The following GUCY1A2 variants were observed in gnomAD, a reference collection of about 807,000 sequenced individuals.
The protein encoded by GUCY1A2 is guanylate cyclase soluble subunit alpha-2.
A neutral mutation model predicts 63.5 loss-of-function variants in GUCY1A2; 27 were observed. The observed-to-expected ratio is 0.43, with a 90% CI of 0.31 to 0.59. GUCY1A2 has a LOEUF of 0.59. Ranked by LOEUF, GUCY1A2 falls within the 20% of genes least tolerant of loss-of-function variation. GUCY1A2 has a pLI of 0.11. For synonymous variants in GUCY1A2, 364 were observed against 343.5 expected (o/e 1.06, Z -0.66); for missense variants, 768 against 913.3 (o/e 0.84, Z 2.05).
At chr11:106,847,307 CATAT>C (rs1243526632) in intron 4 of GUCY1A2, among the ~76,000 whole-genome samples, 3 of 149,464 alleles carry the variant, frequency 2.0e-5, no homozygotes, top group African/African-American at 7.3e-5. Flanking sequence ...TATATACTCA[CATAT>C]ATATTTATGA....
chr11:106,876,685 T>C (rs1859754037), intron 4 of GUCY1A2, among the ~76,000 whole-genome samples: 1 of 152,150 alleles, frequency 6.6e-6, no homozygotes, highest in Non-Finnish European at 1.5e-5. Context: ...TAAAGGGCTT[T>C]GTAACTTATA....
rs911495283 is a variant in GUCY1A2, at chr11:106,678,669, G to T, written c.*8880C>A. On this transcript the variant is annotated 3_prime_UTR_variant, in exon 8 of 8. Coordinates refer to ENST00000526355, the MANE Select transcript of GUCY1A2 (RefSeq NM_000855.3). ...TTCATATTTGTTGTTCAAATGATTT[G>T]AACATAAATTGGTTTTGACTTAGAT... 6 of 208,972 alleles carry T rather than the reference G, an allele frequency of 2.9e-5. No homozygotes were observed. Among genetic ancestry groups the T allele is most frequent in the Non-Finnish European group, 4.9e-5 (5 of 102,744 alleles). 12.9% of individuals were successfully genotyped at this position (208,972 alleles called of 1,614,324 possible). A position where few individuals can be genotyped will look rare whatever the true frequency, so the allele number is the denominator to read the frequency against.
chr11:106,676,523 CT>C lies in GUCY1A2; in HGVS notation c.*11025del. On this transcript the variant is annotated 3_prime_UTR_variant, in exon 8 of 8. Transcript: ENST00000526355. ...GAAATATGGAATACATTGTATATTG[CT>C]TTTTCAATAGAGTAGACATAAAATT... 5.4e-6 allele frequency: 1 copy of C among 186,222 alleles called. No homozygotes were observed. The highest frequency in any genetic ancestry group is 1.1e-5 in the Non-Finnish European group (1 of 88,146). 11.5% of individuals were successfully genotyped at this position (186,222 alleles called of 1,614,324 possible).
At chr11:106,793,723 C>T (rs1864703732) in intron 5 of GUCY1A2, among the ~76,000 whole-genome samples, 2 of 151,558 alleles carry the variant, frequency 1.3e-5, no homozygotes, top group South Asian at 2.1e-4. Context: ...AAGAGAATAC[C>T]TAAAAATGGC....
At chr11:106,852,964 C>T (rs1591302407) in intron 4 of GUCY1A2, among the ~76,000 whole-genome samples, 1 of 152,204 alleles carries the variant, frequency 6.6e-6, no homozygotes, top group South Asian at 2.1e-4. Flanking sequence ...TGGAATAGAT[C>T]ATTCTCTTTT....
At chr11:106,740,648 C>CTGTATGTATGTA (rs6144494) in intron 6 of GUCY1A2, among the ~76,000 whole-genome samples, 19,730 of 148,688 alleles carry the variant, frequency 0.13, 1,500 homozygotes, top group African/African-American at 0.16. Context: ...GACCATATCA[C>CTGTATGTATGTA]TGTATGTATG....
chr11:106,781,112 C>CAAAAAA (rs565279937), intron 5 of GUCY1A2, among the ~76,000 whole-genome samples: 65 of 88,860 alleles, frequency 7.3e-4, no homozygotes, highest in South Asian at 1.2e-3. Context: ...AAACAGACTA[C>CAAAAAA]AAAAAAAAAA....
At chr11:106,798,565 C>A (rs879882344) in intron 5 of GUCY1A2, among the ~76,000 whole-genome samples, 24 of 152,172 alleles carry the variant, frequency 1.6e-4, no homozygotes, top group Non-Finnish European at 2.6e-4. Context: ...GCTTATCCAC[C>A]ATGATCAAGT....
intron 4 of GUCY1A2, among the ~76,000 whole-genome samples, chr11:106,888,140 G>GT (rs965557121): frequency 3.3e-5 from 5 of 152,026 alleles, no homozygotes; most frequent in African/African-American, 1.2e-4. Flanking sequence ...GTCTAAAAAA[G>GT]TATTTTAAGG....
intron 3 of GUCY1A2, among the ~76,000 whole-genome samples, chr11:106,976,246 C>T (rs17106266): frequency 0.061 from 9,241 of 151,838 alleles, 785 homozygotes; most frequent in East Asian, 0.3. Flanking sequence ...CTGCCTTCTG[C>T]CATCCAAAAA....
chr11:106,879,794 C>G (rs988433969), intron 4 of GUCY1A2, among the ~76,000 whole-genome samples: 1 of 152,048 alleles, frequency 6.6e-6, no homozygotes, highest in African/African-American at 2.4e-5. Flanking sequence ...ACCTTGTTCT[C>G]TCTCCAGAGT....
intron 3 of GUCY1A2, among the ~76,000 whole-genome samples, chr11:106,949,370 C>A (rs1460900138): frequency 6.6e-6 from 1 of 152,180 alleles, no homozygotes; most frequent in Non-Finnish European, 1.5e-5. Context: ...AACCACTTTT[C>A]AGTTTCCTGA....
At chr11:106,776,157 G>A (rs1242744327) in intron 6 of GUCY1A2, among the ~76,000 whole-genome samples, 1 of 151,960 alleles carries the variant, frequency 6.6e-6, no homozygotes, top group Non-Finnish European at 1.5e-5. Flanking sequence ...CTTGGATTTC[G>A]TGACCTGGTC....
intron 1 of GUCY1A2, among the ~76,000 whole-genome samples, chr11:107,012,158 G>A (rs1331589781): frequency 6.6e-6 from 1 of 151,774 alleles, no homozygotes; most frequent in Non-Finnish European, 1.5e-5. Context: ...ATATGTCTGT[G>A]TACACACATG....
rs1478372372 is a variant in GUCY1A2, at chr11:106,885,670, G to C, written c.1206+53790C>G. On this transcript the variant is annotated intron_variant, in intron 4 of 7. Coordinates refer to ENST00000526355, the MANE Select transcript of GUCY1A2 (RefSeq NM_000855.3). The stretch of plus-strand genomic sequence containing the variant: ...TCCATTTCCCCACATATAAAATAGG[G>C]ATAGTACACCATCCTATTTACCTTA... Among the ~76,000 whole-genome samples, 3 of 151,914 alleles carry C rather than the reference G, an allele frequency of 2.0e-5. No homozygotes were observed. In the East Asian group the frequency reaches 5.8e-4, roughly 29 times the overall value.
chr11:106,848,464 T>C (rs1859307522), intron 4 of GUCY1A2, among the ~76,000 whole-genome samples: 1 of 151,670 alleles, frequency 6.6e-6, no homozygotes, highest in Non-Finnish European at 1.5e-5. Flanking sequence ...ACACATTTGT[T>C]ATAGTGATAT....
At chr11:106,861,273 G>A (rs1218543811) in intron 4 of GUCY1A2, among the ~76,000 whole-genome samples, 1 of 149,494 alleles carries the variant, frequency 6.7e-6, no homozygotes, top group Non-Finnish European at 1.5e-5. Flanking sequence ...GAAGAGAAAT[G>A]TTATTTCATT....
chr11:106,889,113 C>T (rs1045091222), intron 4 of GUCY1A2, among the ~76,000 whole-genome samples: 9 of 152,122 alleles, frequency 5.9e-5, no homozygotes, highest in Admixed American at 1.3e-4. Flanking sequence ...AATGACTTTT[C>T]GTTGCCATGC....
At chr11:106,691,514 C>T (rs186644496) in intron 7 of GUCY1A2, among the ~76,000 whole-genome samples, 1 of 152,124 alleles carries the variant, frequency 6.6e-6, no homozygotes, top group African/African-American at 2.4e-5. Flanking sequence ...CTTTGTTTTG[C>T]TATAATTGAG....
Sources: allele counts gnomAD v4.1 joint callset (sites outside exome capture counted in the v4.1 genomes callset), GRCh38; gene constraint gnomAD v4.1.1; transcripts MANE v1.5; gene names NCBI Gene and HGNC (gene_info 2026-07-23, HGNC 2026-07-21).